Variants in SYT16 observed in about 807,000 individuals in gnomAD.
The protein encoded by SYT16 is synaptotagmin-16.
In SYT16, 42 loss-of-function variants were observed where a neutral mutation model predicts 61.4. The ratio of observed to expected loss-of-function variants is 0.68; its 90% CI spans 0.53 to 0.89. SYT16 has a LOEUF of 0.89. SYT16 is among the 40% of genes least tolerant of loss of function. The probability of loss-of-function intolerance (pLI) is 0.00; values close to 1 mark genes in which losing one functional copy is unlikely to be tolerated. For synonymous variants in SYT16, 314 were observed against 302.3 expected (o/e 1.04, Z -0.40); for missense variants, 804 against 807.3 (o/e 1.00, Z 0.05).
intron 1 of SYT16, among the ~76,000 whole-genome samples, chr14:61,888,193 C>T (rs1362491077): frequency 6.0e-5 from 9 of 150,272 alleles, no homozygotes; most frequent in Admixed American, 5.3e-4. Context: ...TCTTGGCTCA[C>T]TGCAACCTCC....
intron 7 of SYT16, among the ~76,000 whole-genome samples, chr14:62,090,604 T>C (rs1298178512): frequency 6.6e-6 from 1 of 152,142 alleles, no homozygotes; most frequent in African/African-American, 2.4e-5. Context: ...ATATGAAAAT[T>C]TAGATGAGGC....
At chr14:62,091,659 G>T (rs547568876) in intron 7 of SYT16, among the ~76,000 whole-genome samples, 1 of 152,234 alleles carries the variant, frequency 6.6e-6, no homozygotes, top group South Asian at 2.1e-4. Flanking sequence ...ACCTGCAAAA[G>T]CATGAAGGTT....
chr14:62,082,965 A>G (rs1244222443), intron 6 of SYT16, among the ~76,000 whole-genome samples: 1 of 152,236 alleles, frequency 6.6e-6, no homozygotes, highest in Non-Finnish European at 1.5e-5. Context: ...AGAGGCAAGC[A>G]GTGAGTGACA....
intron 1 of SYT16, among the ~76,000 whole-genome samples, chr14:61,826,123 TG>T (rs1407731819): frequency 6.7e-6 from 1 of 150,246 alleles, no homozygotes; most frequent in Non-Finnish European, 1.5e-5. Flanking sequence ...TTCAGGGTTG[TG>T]GGTGGCTGGG....
At chr14:61,986,045 C>T (rs2052293458) in intron 2 of SYT16, among the ~76,000 whole-genome samples, 1 of 151,986 alleles carries the variant, frequency 6.6e-6, no homozygotes, top group African/African-American at 2.4e-5. Flanking sequence ...AAATGGAAGT[C>T]CAGGATATTA....
At chr14:62,016,610 G>A (rs1327388446) in intron 3 of SYT16, among the ~76,000 whole-genome samples, 1 of 151,812 alleles carries the variant, frequency 6.6e-6, no homozygotes, top group Non-Finnish European at 1.5e-5. Context: ...CTGCTCGGGA[G>A]GCTGAGGCAG....
At chr14:61,873,264 T>C (rs958060594) in intron 1 of SYT16, among the ~76,000 whole-genome samples, 25 of 152,350 alleles carry the variant, frequency 1.6e-4, no homozygotes, top group African/African-American at 6.0e-4. Context: ...CCGAAAGAGT[T>C]ATAGGCTTTT....
At chr14:61,899,610 G>A (rs995267751) in intron 1 of SYT16, among the ~76,000 whole-genome samples, 5 of 152,278 alleles carry the variant, frequency 3.3e-5, no homozygotes, top group East Asian at 3.9e-4. Context: ...CTTTGCAACC[G>A]TGCTCATAGA....
chr14:62,111,830 A>G lies in SYT16; in HGVS notation c.*11123A>G, dbSNP rs1260511933. The G allele has an allele frequency of 6.6e-6, 1 of 152,076 alleles. No individual in the cohort carries two copies. Among genetic ancestry groups the G allele is most frequent in the Non-Finnish European group, 1.5e-5 (1 of 67,938 alleles). 9.4% of individuals were successfully genotyped at this position (152,076 alleles called of 1,614,324 possible). On this transcript the variant is annotated 3_prime_UTR_variant, in exon 8 of 8. Transcript: ENST00000683842. ...ACCCTTACTTTAGAAACTTCTGACA[A>G]TCTTCAGAACATTCCATGTGGGTGT... is the stretch of plus-strand genomic sequence containing the variant.
At chr14:62,010,605 T>C (rs1394616786) in intron 3 of SYT16, among the ~76,000 whole-genome samples, 1 of 152,196 alleles carries the variant, frequency 6.6e-6, no homozygotes, top group Non-Finnish European at 1.5e-5. Context: ...ATCCTAGAAA[T>C]TTCCTAATAT....
intron 1 of SYT16, among the ~76,000 whole-genome samples, chr14:61,861,111 T>C (rs9972283): frequency 1 from 152,106 of 152,266 alleles, 75,973 homozygotes; most frequent in Middle Eastern, 1. Context: ...GAGTGGGATT[T>C]CTGATAATGA....
intron 3 of SYT16, among the ~76,000 whole-genome samples, chr14:62,039,362 A>G (rs772539593): frequency 3.3e-5 from 5 of 152,172 alleles, no homozygotes; most frequent in Non-Finnish European, 5.9e-5. Context: ...ATTTGGGGCT[A>G]TGATATTCTT....
chr14:62,018,591 G>A (rs1376391202), intron 3 of SYT16, among the ~76,000 whole-genome samples: 1 of 152,096 alleles, frequency 6.6e-6, no homozygotes, highest in South Asian at 2.1e-4. Flanking sequence ...ACAGGCATGA[G>A]CCATCGTGCC....
chr14:61,888,216 C>A (rs1363332097), intron 1 of SYT16, among the ~76,000 whole-genome samples: 1 of 150,676 alleles, frequency 6.6e-6, no homozygotes, highest in African/African-American at 2.5e-5. Context: ...CTCCCACGTT[C>A]TAACGATTCT....
chr14:61,896,328 G>A (rs1344803889), intron 1 of SYT16, among the ~76,000 whole-genome samples: 1 of 152,166 alleles, frequency 6.6e-6, no homozygotes, highest in Non-Finnish European at 1.5e-5. Context: ...CTTTGTCCTG[G>A]AGTCCCCACA....
At chr14:62,027,580 GGTT>G (rs1300606453) in intron 3 of SYT16, among the ~76,000 whole-genome samples, 1 of 152,140 alleles carries the variant, frequency 6.6e-6, no homozygotes. Flanking sequence ...AGCATGAGTT[GGTT>G]GTTCATTGTA....
At chr14:62,006,338 G>A (rs886389465) in intron 3 of SYT16, among the ~76,000 whole-genome samples, 6 of 152,064 alleles carry the variant, frequency 3.9e-5, no homozygotes, top group African/African-American at 1.4e-4. Context: ...TAGGAAATAC[G>A]CTAGGGAAAA....
At chr14:62,017,246 C>A (rs1445774787) in intron 3 of SYT16, among the ~76,000 whole-genome samples, 2 of 152,200 alleles carry the variant, frequency 1.3e-5, no homozygotes, top group African/African-American at 4.8e-5. Flanking sequence ...CTTACCTGGT[C>A]ACTTTCTCTT....
In SYT16 at chr14:62,075,177, C is replaced by T. The variant is rs915247607; in HGVS notation, c.779C>T (p.Ser260Phe). 3.7e-6 allele frequency: 6 copies of T among 1,612,524 alleles called. No homozygotes were observed. Among genetic ancestry groups the T allele is most frequent in the East Asian group, 2.2e-5 (1 of 44,878 alleles). ...ASQRRYSENL[S>F]YGEDDHIPAH... ...CAACGGCGTTATTCTGAGAATCTCT[C>T]CTACGGTGAAGATGACCACATCCCT... The change falls in exon 5 of 8, where the codon TCC (serine) becomes TTC (phenylalanine). Residue 260 changes from serine (S) to phenylalanine (F), a missense_variant. Ser to Phe is a radical substitution (Grantham distance 155, BLOSUM62 -2). Coordinates refer to ENST00000683842, the MANE Select transcript of SYT16 (RefSeq NM_001367656.1).
Sources: allele counts gnomAD v4.1 joint callset (sites outside exome capture counted in the v4.1 genomes callset), GRCh38; gene constraint gnomAD v4.1.1; transcripts MANE v1.5; gene names NCBI Gene and HGNC (gene_info 2026-07-23, HGNC 2026-07-21).